The following FBXW10B variants were observed in gnomAD, a reference collection of about 807,000 sequenced individuals.
The protein encoded by FBXW10B is F-box and WD repeat domain containing protein 10B.
chr17:15,619,340 ACT>A, the FBXW10B span: 1 of 1,613,748 alleles, frequency 6.2e-7, no homozygotes, highest in Non-Finnish European at 8.5e-7. Flanking sequence ...CAGAATGCCA[ACT>A]AGAAACCTCC....
the FBXW10B span, among the ~76,000 whole-genome samples, chr17:15,595,828 G>GA: frequency 7.9e-4 from 120 of 151,564 alleles, no homozygotes; most frequent in African/African-American, 2.8e-3. Flanking sequence ...AGAGCATGGA[G>GA]AAAAAAAATT....
At chr17:15,581,230 T>C in the FBXW10B span, among the ~76,000 whole-genome samples, 3 of 152,232 alleles carry the variant, frequency 2.0e-5, no homozygotes, top group Admixed American at 6.5e-5. Flanking sequence ...TCAGCATGCT[T>C]AGTTATGGTT....
At chr17:15,611,060 G>A in the FBXW10B span, among the ~76,000 whole-genome samples, 1 of 139,908 alleles carries the variant, frequency 7.1e-6, no homozygotes, top group Non-Finnish European at 1.5e-5. Flanking sequence ...ATCTCACTCT[G>A]TCACCCAGGC....
the FBXW10B span, among the ~76,000 whole-genome samples, chr17:15,601,228 T>A: frequency 1.4e-5 from 2 of 144,430 alleles, no homozygotes; most frequent in Non-Finnish European, 3.1e-5. Flanking sequence ...GCTAACACGG[T>A]GAAACCCCGT....
the FBXW10B span, chr17:15,619,601 T>C: frequency 1.3e-6 from 2 of 1,524,312 alleles, no homozygotes; most frequent in South Asian, 1.3e-5. Flanking sequence ...AATGAATAAA[T>C]ACCCCAGTTG....
the FBXW10B span, among the ~76,000 whole-genome samples, chr17:15,604,094 A>AAG: frequency 1.4e-5 from 2 of 144,382 alleles, no homozygotes; most frequent in Non-Finnish European, 3.0e-5. Context: ...AAAAAAAACA[A>AAG]AAACTAGAAA....
the FBXW10B span, chr17:15,598,329 A>G: frequency 1.6e-6 from 1 of 615,640 alleles, no homozygotes; most frequent in Non-Finnish European, 2.0e-6. Flanking sequence ...GGCTTGCTGT[A>G]GGTATTCTAC....
chr17:15,601,878 C>G, the FBXW10B span, among the ~76,000 whole-genome samples: 1,619 of 152,142 alleles, frequency 0.011, 17 homozygotes, highest in Non-Finnish European at 0.018. Context: ...TTTGGGAGGC[C>G]GAGGCGGGCA....
chr17:15,583,360 C>G, the FBXW10B span, among the ~76,000 whole-genome samples: 2 of 141,292 alleles, frequency 1.4e-5, no homozygotes, highest in African/African-American at 5.1e-5. Flanking sequence ...AGAAACACCC[C>G]CTGTCCACCA....
At chr17:15,595,755 G>A in the FBXW10B span, among the ~76,000 whole-genome samples, 4 of 152,096 alleles carry the variant, frequency 2.6e-5, no homozygotes, top group Admixed American at 2.0e-4. Flanking sequence ...TTCCGATCCA[G>A]CAAGAATATG....
At chr17:15,603,284 G>T in the FBXW10B span, among the ~76,000 whole-genome samples, 1 of 151,912 alleles carries the variant, frequency 6.6e-6, no homozygotes, top group South Asian at 2.1e-4. Context: ...TGGCCTTTGG[G>T]CTTCATCTGC....
the FBXW10B span, chr17:15,568,746 T>C: frequency 1.8e-6 from 1 of 546,938 alleles, no homozygotes; most frequent in African/African-American, 2.0e-5. Flanking sequence ...CAAATCTTTT[T>C]CCTTAATACC....
At chr17:15,591,624 GGAGT>G in the FBXW10B span, among the ~76,000 whole-genome samples, 2 of 152,178 alleles carry the variant, frequency 1.3e-5, no homozygotes, top group Non-Finnish European at 2.9e-5. Context: ...TTCTGTTCCT[GGAGT>G]GAGTGCCATG....
chr17:15,601,756 T>C, the FBXW10B span, among the ~76,000 whole-genome samples: 1 of 152,234 alleles, frequency 6.6e-6, no homozygotes, highest in Non-Finnish European at 1.5e-5. Context: ...AGTTAGGTTT[T>C]ATTGAAAGTT....
the FBXW10B span, among the ~76,000 whole-genome samples, chr17:15,578,789 AATTGGTGTAGC>A: frequency 6.6e-6 from 1 of 152,274 alleles, no homozygotes; most frequent in Middle Eastern, 3.4e-3. Context: ...ATTTAAGATG[AATTGGTGTAGC>A]ATAATTCAGG....
chr17:15,613,390 C>T, the FBXW10B span, among the ~76,000 whole-genome samples: 276 of 128,474 alleles, frequency 2.1e-3, 4 homozygotes, highest in African/African-American at 1.0e-2. Context: ...TGCTCCTGAG[C>T]GGTCTCTATC....
chr17:15,588,595 A>C, the FBXW10B span: 2 of 396,204 alleles, frequency 5.0e-6, no homozygotes, highest in South Asian at 4.3e-5. Flanking sequence ...TGAATCCAGA[A>C]CACTCTAATC....
At chr17:15,617,800 T>C in the FBXW10B span, among the ~76,000 whole-genome samples, 1 of 152,192 alleles carries the variant, frequency 6.6e-6, no homozygotes. Context: ...TCTGGTACAG[T>C]CTTCAGAACT....
chr17:15,619,088 T>C, the FBXW10B span: 1 of 1,613,956 alleles, frequency 6.2e-7, no homozygotes, highest in African/African-American at 1.3e-5. Flanking sequence ...GTTGCACATC[T>C]GCAGCAGTAA....
Sources: gnomAD v4.1 joint callset for allele counts (sites outside exome capture counted in the v4.1 genomes callset) on GRCh38, gnomAD v4.1.1 for gene constraint, MANE v1.5 for transcripts, NCBI Gene and HGNC (gene_info 2026-07-23, HGNC 2026-07-21) for gene names.